RGS3: variants seen among roughly 807,000 people sequenced by gnomAD.
The protein encoded by RGS3 is regulator of G-protein signalling 3.
A neutral mutation model predicts 132.6 loss-of-function variants in RGS3; 80 were observed. That is an observed-to-expected ratio of 0.60 (90% CI 0.50 to 0.73). RGS3 has a LOEUF of 0.73. Ranked by LOEUF, RGS3 falls within the 30% of genes least tolerant of loss-of-function variation. The probability of loss-of-function intolerance (pLI) is 0.00; values close to 1 mark genes in which losing one functional copy is unlikely to be tolerated. For missense variants in RGS3, 1,382 were observed against 1,530.8 expected, an observed-to-expected ratio of 0.90 and a Z score of 1.62; for synonymous variants, 598 against 620.6, an observed-to-expected ratio of 0.96 and a Z score of 0.54.
At position 113,546,654 on chromosome 9, in the gene RGS3, T is replaced by G. The variant is rs962000871; in HGVS notation, c.2037+9736T>G. 3.9e-5 allele frequency among the ~76,000 whole-genome samples: 6 copies of G among 152,186 alleles called. No homozygotes were observed. The East Asian group carries it at 1.2e-3, about 29-fold the overall frequency. The stretch of plus-strand genomic sequence containing the variant: ...GATTCAGAGCTTTTTCTGTTGCACC[T>G]CAGCTTTGTGGAGACCAGAGCATGG... On this transcript the variant is annotated intron_variant, in intron 19 of 24. Coordinates refer to ENST00000350696, the Ensembl canonical transcript of RGS3.
At chr9:113,449,843 A>G (rs1829199260) in intron 1 of RGS3, among the ~76,000 whole-genome samples, 1 of 149,310 alleles carries the variant, frequency 6.7e-6, no homozygotes, top group Admixed American at 6.7e-5. Flanking sequence ...CCCAGGTTCA[A>G]GTGATTCTCC....
intron 8 of RGS3, among the ~76,000 whole-genome samples, chr9:113,496,432 TC>T (rs1244285913): frequency 6.6e-6 from 1 of 152,128 alleles, no homozygotes. Flanking sequence ...CTTTTGCACA[TC>T]CCTGGAAATG....
chr9:113,482,197 C>T (rs1487924610), intron 4 of RGS3, among the ~76,000 whole-genome samples: 1 of 152,114 alleles, frequency 6.6e-6, no homozygotes, highest in African/African-American at 2.4e-5. Context: ...TGTGACCACA[C>T]CTGCACCCAC....
chr9:113,536,855 C>T (rs1181287843), exon 19 of RGS3: 11 of 1,614,040 alleles, frequency 6.8e-6, no homozygotes, highest in Non-Finnish European at 9.3e-6. Context: ...AGAGAGTGTG[C>T]TGGTGCCTGT....
At chr9:113,561,907 C>A (rs557162576) in intron 19 of RGS3, among the ~76,000 whole-genome samples, 1 of 152,230 alleles carries the variant, frequency 6.6e-6, no homozygotes, top group East Asian at 1.9e-4. Context: ...GTACTGTATT[C>A]CAAAAATAGG....
At chr9:113,551,371 A>T (rs564553704) in intron 19 of RGS3, among the ~76,000 whole-genome samples, 23 of 152,354 alleles carry the variant, frequency 1.5e-4, no homozygotes, top group African/African-American at 5.3e-4. Flanking sequence ...ACCGTTCATC[A>T]GTTAATGGAC....
chr9:113,444,941 A>C (rs916352478), intron 1 of RGS3: 2 of 152,242 alleles, frequency 1.3e-5, no homozygotes, highest in Admixed American at 6.5e-5. Flanking sequence ...ACTGCTGCTA[A>C]CTGCCATTTC....
chr9:113,485,533 C>T, intron 6 of RGS3, 92 bp from the exon 5 acceptor site: 2 of 926,428 alleles, frequency 2.2e-6, no homozygotes, highest in South Asian at 3.1e-5. Flanking sequence ...ACGTTACTTC[C>T]ACATTTTTGG....
At chr9:113,508,647 C>A in intron 14 of RGS3, 67 bp downstream of exon 12, 1 of 1,545,122 alleles carries the variant, frequency 6.5e-7, no homozygotes, top group Non-Finnish European at 8.9e-7. Flanking sequence ...TGAGGCCTGG[C>A]CCAGCCTCCG....
intron 17 of RGS3, among the ~76,000 whole-genome samples, chr9:113,528,829 G>T (rs1832333909): frequency 6.6e-6 from 1 of 152,194 alleles, no homozygotes; most frequent in Non-Finnish European, 1.5e-5. Flanking sequence ...AAAGGCAGTT[G>T]GAGCATTTAA....
chr9:113,482,993 CTCTT>C (rs112042926), intron 4 of RGS3, 62 bp from the exon 3 acceptor site: 5 of 1,611,088 alleles, frequency 3.1e-6, no homozygotes, highest in African/African-American at 1.3e-5. Flanking sequence ...ATGTGTGTCT[CTCTT>C]TCTCGCTGTG....
At chr9:113,536,705 C>T in intron 18 of RGS3, 91 bp from the exon 17 acceptor site, 2 of 1,549,956 alleles carry the variant, frequency 1.3e-6, no homozygotes, top group Non-Finnish European at 8.7e-7. Flanking sequence ...CAGCCTCACC[C>T]TCTGGAGCCC....
Position 113,449,282 on chromosome 9 carries a change from A to G in RGS3, c.-13+4355A>G, listed in dbSNP as rs76052297. On this transcript the variant is annotated intron_variant, in intron 1 of 25. Coordinates refer to the RGS3 transcript ENST00000374140. ...CAAAAGGATACTATGCAAAGGAAGA[A>G]TGAACCAGAACCCGGAAACCAGAAA... Among the ~76,000 whole-genome samples, 252 of 152,304 alleles carry G rather than the reference A, an allele frequency of 1.7e-3. 2 individuals are homozygous for G. Among genetic ancestry groups the G allele is most frequent in the African/African-American group, 5.6e-3 (232 of 41,556 alleles).
intron 6 of RGS3, 95 bp downstream of exon 4, chr9:113,484,327 CAAAAA>C (rs775299940): frequency 1.3e-4 from 11 of 85,284 alleles, no homozygotes; most frequent in East Asian, 8.9e-4. Context: ...TAGATCTATG[CAAAAA>C]AAAAAAAAAA....
At position 113,506,403 on chromosome 9, in the gene RGS3, G is replaced by A. The variant is rs762285320; in HGVS notation, c.995G>A (p.Arg332Gln). ...GTCCCTGCAGGGGGTCCGGCGGAAC[G>A]GGCAGGGCTGCAGCAGCTGGACACG... The change falls in exon 12 of 25, where the codon CGG becomes CAG. Residue 332 changes from arginine to glutamine, a missense_variant. Transcript: ENST00000350696. The surrounding 1 kb of genome is among the most constrained non-coding windows in gnomAD (Gnocchi z 4.7). 16 of 1,590,388 alleles carry A rather than the reference G, an allele frequency of 1.0e-5. No individual in the cohort carries two copies. The highest frequency in any genetic ancestry group is 9.1e-5 in the Admixed American group (5 of 55,222).
At chr9:113,470,944 G>A (rs994492703) in intron 3 of RGS3, among the ~76,000 whole-genome samples, 4 of 152,184 alleles carry the variant, frequency 2.6e-5, no homozygotes, top group Non-Finnish European at 5.9e-5. Flanking sequence ...TAGCCTGGGT[G>A]TCAGAGTGAG....
At chr9:113,525,560 C>T (rs1018929184) in intron 17 of RGS3, among the ~76,000 whole-genome samples, 12 of 152,322 alleles carry the variant, frequency 7.9e-5, no homozygotes, top group East Asian at 5.8e-4. Flanking sequence ...TAATATTGCT[C>T]ATGACTCCTA....
chr9:113,450,153 T>G (rs1361958362), intron 1 of RGS3, among the ~76,000 whole-genome samples: 2 of 151,722 alleles, frequency 1.3e-5, no homozygotes, highest in African/African-American at 4.8e-5. Context: ...CACTGCAACC[T>G]CGCCTCCCGG....
rs1830263997 is a variant in RGS3, at chr9:113,484,364, A to C, written c.620+132A>C. 3.1e-5 allele frequency: 17 copies of C among 543,694 alleles called. No homozygotes were observed. In the South Asian group the frequency reaches 4.1e-4, roughly 13 times the overall value. 33.7% of individuals were successfully genotyped at this position (543,694 alleles called of 1,614,324 possible). ...AAAAAAAAAAACCAAAACAAAAAAA[A>C]CCAGTGCCTTCTAAAGGATGTCTTT... On this transcript the variant is annotated intron_variant, in intron 6 of 24. Transcript: ENST00000350696.
Sources: allele counts gnomAD v4.1 joint callset (sites outside exome capture counted in the v4.1 genomes callset), GRCh38; gene constraint gnomAD v4.1.1; non-coding constraint Gnocchi (gnomAD v3.1); transcripts MANE v1.5; gene names NCBI Gene and HGNC (gene_info 2026-07-23, HGNC 2026-07-21).